Variants in ANKRD28 observed in about 807,000 individuals in gnomAD.
ANKRD28 encodes the protein serine/threonine-protein phosphatase 6 regulatory ankyrin repeat subunit A.
ANKRD28 carries 44 observed loss-of-function variants against 126.5 expected under a neutral mutation model. That is an observed-to-expected ratio of 0.35 (90% CI 0.27 to 0.45). ANKRD28 has a LOEUF of 0.45. Ranked by LOEUF, ANKRD28 falls within the 20% of genes least tolerant of loss-of-function variation. ANKRD28 has a pLI of 1.00. For synonymous variants in ANKRD28, 442 were observed against 468.5 expected (o/e 0.94, Z 0.73); for missense variants, 1,110 against 1,316.6 (o/e 0.84, Z 2.43).
At chr3:15,795,199 G>A (rs781112510) in intron 2 of ANKRD28, 24 bp downstream of exon 2, 12 of 1,475,140 alleles carry the variant, frequency 8.1e-6, no homozygotes, top group Non-Finnish European at 1.1e-5. Context: ...TTAAAGGCTG[G>A]CATCAGTGAA....
At chr3:15,742,252 G>A (rs2057096465) in intron 4 of ANKRD28, among the ~76,000 whole-genome samples, 1 of 150,996 alleles carries the variant, frequency 6.6e-6, no homozygotes, top group South Asian at 2.1e-4. Context: ...GGAAAGTGAG[G>A]AGCGTCTCTG....
chr3:15,684,546 C>T (rs548945995), intron 21 of ANKRD28: 1 of 152,228 alleles, frequency 6.6e-6, no homozygotes, highest in African/African-American at 2.4e-5. Flanking sequence ...CTCACTGTTT[C>T]TCCTACTTTT....
intron 5 of ANKRD28, among the ~76,000 whole-genome samples, chr3:15,736,394 T>C (rs1184280153): frequency 6.6e-6 from 1 of 152,178 alleles, no homozygotes; most frequent in Non-Finnish European, 1.5e-5. Context: ...TGGGAACTAC[T>C]TTGAAAAAGA....
intron 4 of ANKRD28, among the ~76,000 whole-genome samples, chr3:15,744,488 T>G (rs1228969856): frequency 6.6e-6 from 1 of 150,956 alleles, no homozygotes; most frequent in Non-Finnish European, 1.5e-5. Flanking sequence ...TTTTTTTTTT[T>G]GTACTTTTCA....
chr3:15,808,905 C>T (rs961715535), intron 1 of ANKRD28, among the ~76,000 whole-genome samples: 5 of 152,154 alleles, frequency 3.3e-5, no homozygotes, highest in South Asian at 4.1e-4. Context: ...AATAACCTCT[C>T]TTCTTGTTGC....
intron 8 of ANKRD28, among the ~76,000 whole-genome samples, chr3:15,716,383 T>C (rs1012432498): frequency 2.7e-5 from 4 of 150,914 alleles, no homozygotes; most frequent in Non-Finnish European, 4.4e-5. Context: ...CCTTGAACTC[T>C]AGGGTTCAAG....
intron 2 of ANKRD28, among the ~76,000 whole-genome samples, chr3:15,779,479 T>C (rs759894497): frequency 4.6e-5 from 7 of 152,194 alleles, no homozygotes; most frequent in East Asian, 1.9e-4. Context: ...CTAGGTAGAA[T>C]TGAGAGGTGA....
chr3:15,748,450 A>G (rs1449538147), intron 4 of ANKRD28, among the ~76,000 whole-genome samples: 1 of 152,174 alleles, frequency 6.6e-6, no homozygotes, highest in South Asian at 2.1e-4. Flanking sequence ...TCATTCATGA[A>G]GCTTAGTTTC....
chr3:15,754,618 C>T (rs972147614), intron 3 of ANKRD28, among the ~76,000 whole-genome samples: 1 of 152,096 alleles, frequency 6.6e-6, no homozygotes, highest in African/African-American at 2.4e-5. Flanking sequence ...AGGTTTCAGG[C>T]ATCTACTTGG....
At chr3:15,740,613 A>C (rs992237405) in intron 4 of ANKRD28, among the ~76,000 whole-genome samples, 2 of 152,234 alleles carry the variant, frequency 1.3e-5, no homozygotes, top group Non-Finnish European at 2.9e-5. Flanking sequence ...GGGCAAACAC[A>C]GAATACTAGA....
intron 7 of ANKRD28, among the ~76,000 whole-genome samples, chr3:15,723,211 G>A (rs1408444710): frequency 6.6e-6 from 1 of 152,192 alleles, no homozygotes; most frequent in Admixed American, 6.5e-5. Flanking sequence ...GTCTTCTTGT[G>A]ATCCTCACAC....
At chr3:15,788,444 T>C (rs1470122613) in intron 2 of ANKRD28, among the ~76,000 whole-genome samples, 3 of 152,152 alleles carry the variant, frequency 2.0e-5, no homozygotes, top group Non-Finnish European at 4.4e-5. Flanking sequence ...CTATACTGAT[T>C]CTGCAGACGG....
At chr3:15,692,471 A>C (rs766122607) in intron 17 of ANKRD28, among the ~76,000 whole-genome samples, 2 of 152,210 alleles carry the variant, frequency 1.3e-5, no homozygotes, top group Non-Finnish European at 2.9e-5. Context: ...AATAAATAAA[A>C]AATAAAAATG....
At chr3:15,714,762 C>T in intron 8 of ANKRD28, 106 bp from the exon 9 acceptor site, 1 of 770,402 alleles carries the variant, frequency 1.3e-6, no homozygotes, top group Non-Finnish European at 1.9e-6. Flanking sequence ...AACTATTTTA[C>T]ATGAATTAAG....
chr3:15,818,559 C>T (rs1559570630), intron 1 of ANKRD28, among the ~76,000 whole-genome samples: 1 of 152,140 alleles, frequency 6.6e-6, no homozygotes, highest in Non-Finnish European at 1.5e-5. Context: ...CCTGTACATA[C>T]ATACCCTATG....
intron 1 of ANKRD28, among the ~76,000 whole-genome samples, chr3:15,809,193 A>T (rs1217386694): frequency 6.6e-6 from 1 of 152,132 alleles, no homozygotes; most frequent in African/African-American, 2.4e-5. Context: ...GTCAGTCACC[A>T]AGTTCTATGC....
chr3:15,750,207 T>C (rs1416994019), intron 4 of ANKRD28, among the ~76,000 whole-genome samples: 2 of 152,254 alleles, frequency 1.3e-5, no homozygotes, highest in Non-Finnish European at 2.9e-5. Flanking sequence ...TCCATTATTT[T>C]AATAGCCATA....
chr3:15,670,330 T>C lies in ANKRD28; in HGVS notation c.3192A>G (p.Glu1064=). ...CCACGTCAGTGTATAAGTACTCCTG[T>C]TCCCCTCCAATGTTATTGAAACTGC... is the stretch of plus-strand genomic sequence containing the variant. ...SYCSFNNIGG[E]QEYLYTDVDE... Residue 1064 remains glutamate, a synonymous_variant, in exon 28 of 28, where the codon GAA becomes GAG. Transcript: ENST00000683139. 6.2e-7 allele frequency: 1 copy of C among 1,614,012 alleles called. No individual in the cohort carries two copies. The highest frequency in any genetic ancestry group is 8.5e-7 in the Non-Finnish European group (1 of 1,179,860).
intron 2 of ANKRD28, among the ~76,000 whole-genome samples, chr3:15,777,910 C>T (rs988310437): frequency 1.6e-4 from 18 of 113,342 alleles, no homozygotes; most frequent in African/African-American, 4.0e-4. Flanking sequence ...ACACCCTCTC[C>T]GCCCTAGCCC....
Sources: allele counts gnomAD v4.1 joint callset (sites outside exome capture counted in the v4.1 genomes callset), GRCh38; gene constraint gnomAD v4.1.1; transcripts MANE v1.5; gene names NCBI Gene and HGNC (gene_info 2026-07-23, HGNC 2026-07-21).